Variants in SKOR2 observed in about 807,000 individuals in gnomAD.
SKOR2 encodes the protein SKI family transcriptional corepressor 2.
In SKOR2, 47 loss-of-function variants were observed where a neutral mutation model predicts 69.1. That is an observed-to-expected ratio of 0.68 (90% CI 0.54 to 0.87). SKOR2 has a LOEUF of 0.87. SKOR2 is among the 40% of genes least tolerant of loss of function. SKOR2 has a pLI of 0.00. For missense variants in SKOR2, 1,404 were observed against 1,472.2 expected, an observed-to-expected ratio of 0.95 and a Z score of 0.76; for synonymous variants, 717 against 672.6, an observed-to-expected ratio of 1.07 and a Z score of -1.02.
In SKOR2 at chr18:47,247,146, G is replaced by T; in HGVS notation, c.2038C>A (p.Pro680Thr). The change falls in exon 2 of 9, where the codon CCC (proline) becomes ACC (threonine). Residue 680 changes from proline (P) to threonine (T), a missense_variant. Physicochemically the swap from Pro to Thr is conservative, Grantham distance 38 (BLOSUM62 -1). Coordinates refer to ENST00000425639, the MANE Select transcript of SKOR2 (RefSeq NM_001278063.4). This position sits in a 1 kb window ranked among gnomAD's most constrained non-coding sequence, Gnocchi z 6.6. Reference protein sequence around the residue: ...PQPPSPLLLLPPQPDEPGSER... With the variant: ...PQPPSPLLLLTPQPDEPGSER... ...GAACCCGGCTCGTCGGGCTGCGGGG[G>T]CAGCAGCAGAAGCGGCGACGGCGGC... 8.6e-7 allele frequency: 1 copy of T among 1,166,668 alleles called. No individual in the cohort carries two copies. The highest frequency in any genetic ancestry group is 1.1e-6 in the Non-Finnish European group (1 of 943,046). 72.3% of individuals were successfully genotyped at this position (1,166,668 alleles called of 1,614,324 possible).
intron 7 of SKOR2, among the ~76,000 whole-genome samples, chr18:47,219,408 T>C (rs968791601): frequency 2.7e-5 from 4 of 149,680 alleles, no homozygotes; most frequent in Non-Finnish European, 5.9e-5. Context: ...GTTTTTTTTT[T>C]CCATATAAAT....
rs1157338557 is a variant in SKOR2 at position 47,229,862 on chromosome 18, T to C, written c.2917+597A>G. Among the ~76,000 whole-genome samples the C allele has an allele frequency of 2.0e-5, 3 of 152,144 alleles. No individual in the cohort carries two copies. The East Asian group carries it at 5.8e-4, about 29-fold the overall frequency. On this transcript the variant is annotated intron_variant, in intron 6 of 8. Transcript: ENST00000425639. ...AATTCCAAGACTCTGGGAGTAGAAC[T>C]AACAGTTTTTAGGCTACAATATCTC...
In SKOR2 at chr18:47,247,608, C is replaced by A; in HGVS notation, c.1576G>T (p.Ala526Ser). 1 of 1,274,324 alleles carries A rather than the reference C, an allele frequency of 7.8e-7. No individual in the cohort carries two copies. Among genetic ancestry groups the A allele is most frequent in the Non-Finnish European group, 9.9e-7 (1 of 1,013,288 alleles). 78.9% of individuals were successfully genotyped at this position (1,274,324 alleles called of 1,614,324 possible). ...TGCGGGGGCTGCCCCGGCGGGGGCG[C>A]GGCCTCGGCGCTCCCAGCAGCACCG... ...PGGAAGSAEAAPPPGQPPQVV... is the reference protein window; with the variant it reads ...PGGAAGSAEASPPPGQPPQVV... The change falls in exon 2 of 9, where the codon GCG becomes TCG. Residue 526 changes from alanine to serine, a missense_variant. Ala to Ser is a moderately conservative substitution (Grantham distance 99). Transcript: ENST00000425639. The surrounding 1 kb of genome is among the most constrained non-coding windows in gnomAD (Gnocchi z 6.6).
At chr18:47,213,371 T>A (rs972586572) in intron 7 of SKOR2, among the ~76,000 whole-genome samples, 2 of 147,902 alleles carry the variant, frequency 1.4e-5, no homozygotes, top group Admixed American at 6.8e-5. Context: ...ATATATATAT[T>A]TATTTATATA....
intron 7 of SKOR2, among the ~76,000 whole-genome samples, chr18:47,216,804 G>GA (rs1045998425): frequency 1.6e-4 from 24 of 149,718 alleles, no homozygotes; most frequent in Non-Finnish European, 2.5e-4. Flanking sequence ...GTCATCTCAA[G>GA]AAAAAAAAAG....
intron 7 of SKOR2, among the ~76,000 whole-genome samples, chr18:47,219,152 T>C (rs1405970269): frequency 6.6e-6 from 1 of 152,222 alleles, no homozygotes; most frequent in African/African-American, 2.4e-5. Flanking sequence ...GTATAATAAT[T>C]ATGCTGAGAA....
chr18:47,236,096 C>G (rs2064222344), intron 4 of SKOR2, among the ~76,000 whole-genome samples: 1 of 152,174 alleles, frequency 6.6e-6, no homozygotes, highest in African/African-American at 2.4e-5. Context: ...GTAATCCTCT[C>G]ACCTCAGCCT....
At position 47,248,728 on chromosome 18, in the gene SKOR2, G is replaced by A. The variant is rs1676036251; in HGVS notation, c.456C>T (p.Ala152=). 1.9e-6 allele frequency: 3 copies of A among 1,554,484 alleles called. No individual in the cohort carries two copies. The highest frequency in any genetic ancestry group is 1.9e-5 in the Admixed American group (1 of 53,072). ...NFAFDVSHEC[A]WGCRGSFIPA... ...GAATGAAGCTGCCGCGGCAGCCCCA[G>A]GCGCACTCGTGTGACACGTCGAAGG... Residue 152 remains alanine (A), a synonymous_variant, in exon 2 of 9, where the codon GCC becomes GCT. Transcript: ENST00000425639. The surrounding 1 kb of genome is among the most constrained non-coding windows in gnomAD (Gnocchi z 6.4).
chr18:47,225,997 G>A (rs1021874436), intron 6 of SKOR2, among the ~76,000 whole-genome samples: 2 of 152,114 alleles, frequency 1.3e-5, no homozygotes, highest in Non-Finnish European at 2.9e-5. Flanking sequence ...AGGAAGACAG[G>A]GCTAAGAGCA....
At chr18:47,240,761 A>T (rs901449640) in intron 4 of SKOR2, among the ~76,000 whole-genome samples, 1 of 152,228 alleles carries the variant, frequency 6.6e-6, no homozygotes, top group Admixed American at 6.5e-5. Context: ...TTTTAAAGGG[A>T]TCAATTAAAT....
At chr18:47,227,815 A>G (rs756881366) in intron 6 of SKOR2, among the ~76,000 whole-genome samples, 2 of 152,146 alleles carry the variant, frequency 1.3e-5, no homozygotes, top group Admixed American at 6.5e-5. Context: ...GACAGGAATT[A>G]TTTGCCCCAT....
At chr18:47,239,812 C>G (rs987218252) in intron 4 of SKOR2, among the ~76,000 whole-genome samples, 11 of 152,058 alleles carry the variant, frequency 7.2e-5, no homozygotes, top group African/African-American at 2.7e-4. Context: ...TTGTACATAA[C>G]TAAATGTTGC....
intron 6 of SKOR2, 107 bp from the exon 7 acceptor site, chr18:47,220,117 T>C: frequency 1.1e-6 from 1 of 900,732 alleles, no homozygotes; most frequent in South Asian, 1.7e-5. Context: ...CCCCTACTTT[T>C]AAGTATTTTT....
At position 47,219,970 on chromosome 18, in the gene SKOR2, T is replaced by C; in HGVS notation, c.2958A>G (p.Arg986=). 1 of 1,536,302 alleles carries C rather than the reference T, an allele frequency of 6.5e-7. No individual in the cohort carries two copies. ...QDQMKRELAY[R]EEMVQQLQII... ...TTTGTAACTGTTGCACCATTTCTTC[T>C]CGGTAGGCTAGCTCCCTTTTCATCT... Residue 986 remains arginine, a synonymous_variant, in exon 7 of 9, where the codon CGA becomes CGG. Transcript: ENST00000425639.
At chr18:47,220,258 CA>C in intron 6 of SKOR2, among the ~76,000 whole-genome samples, 1 of 151,988 alleles carries the variant, frequency 6.6e-6, no homozygotes, top group Non-Finnish European at 1.5e-5. Flanking sequence ...TAATCTCTTG[CA>C]TATGATTACA....
rs1474320745 is a variant in SKOR2, at chr18:47,246,851, C to G, written c.2333G>C (p.Gly778Ala). ...CCGGCCGCCCCCGACTAAGGGGTCG[C>G]CGAGTAGGACCTCCGTCTCCTCGTC... The part of the protein sequence containing the change: ...EEDEETEVLL[G>A]DPLVGGGRFL... The change falls in exon 2 of 9, where the codon GGC (glycine) becomes GCC (alanine). Residue 778 changes from glycine (G) to alanine (A), a missense_variant. By Grantham distance (60) the Gly-to-Ala change is moderately conservative. This residue lies in a region of SKOR2 where 1,266 missense variants were observed against 1,309.9 expected (regional missense o/e 0.97). Transcript: ENST00000425639. 2.0e-6 allele frequency: 3 copies of G among 1,483,556 alleles called. No individual in the cohort carries two copies. Among genetic ancestry groups the G allele is most frequent in the South Asian group, 2.6e-5 (2 of 77,248 alleles). 91.9% of individuals were successfully genotyped at this position (1,483,556 alleles called of 1,614,324 possible).
intron 4 of SKOR2, among the ~76,000 whole-genome samples, chr18:47,231,435 C>G (rs956957162): frequency 6.6e-6 from 1 of 152,170 alleles, no homozygotes; most frequent in South Asian, 2.1e-4. Context: ...AGGTGCCCAG[C>G]CTTCTCGGGC....
intron 4 of SKOR2, among the ~76,000 whole-genome samples, chr18:47,244,169 T>C (rs1385460705): frequency 1.3e-5 from 2 of 152,236 alleles, no homozygotes; most frequent in Non-Finnish European, 2.9e-5. Context: ...ATTTCTGCTC[T>C]CTACACCACT....
chr18:47,221,188 C>G (rs919667529), intron 6 of SKOR2, among the ~76,000 whole-genome samples: 9 of 152,114 alleles, frequency 5.9e-5, no homozygotes, highest in African/African-American at 1.9e-4. Context: ...CCTTTTCATA[C>G]TATTTGAATT....
Sources: gnomAD v4.1 joint callset for allele counts (sites outside exome capture counted in the v4.1 genomes callset) on GRCh38, gnomAD v4.1.1 for gene constraint, gnomAD v4.1.1 regional missense constraint, Gnocchi (gnomAD v3.1) non-coding constraint, MANE v1.5 for transcripts, NCBI Gene and HGNC (gene_info 2026-07-23, HGNC 2026-07-21) for gene names.